ZNF443: variants seen among roughly 807,000 people sequenced by gnomAD.
The protein encoded by ZNF443 is zinc finger protein 443, also known as Kruppel-type zinc finger (C2H2).
ZNF443 carries 3 observed loss-of-function variants against 12.0 expected under a neutral mutation model. The observed-to-expected ratio is 0.25, with a 90% CI of 0.11 to 0.64. The LOEUF (loss-of-function observed/expected upper bound fraction) is 0.64, where lower values mean the gene tolerates loss of function less well. Among genes scored for constraint, ZNF443 ranks in the 30% least tolerant of loss-of-function variants. ZNF443 has a pLI of 0.84. For missense variants in ZNF443, 770 were observed against 808.8 expected (o/e 0.95, Z 0.58); for synonymous variants, 225 against 265.9 (o/e 0.85, Z 1.50).
rs1970236463 is a variant in ZNF443 at position 12,430,439 on chromosome 19, T to C, written c.1733A>G (p.His578Arg). Residue 578 changes from histidine to arginine, a missense_variant, in exon 4 of 4, where the codon CAT becomes CGT. Around this residue, in one of 3 missense-constraint regions of ZNF443, gnomAD observed 736 missense variants for 689.4 expected, o/e 1.07. Coordinates refer to ENST00000301547, the MANE Select transcript of ZNF443 (RefSeq NM_005815.5). ...TTTCTCTCTCATGTGAATTCTTTCA[T>C]GTCGTAGAAAGCAAGTGAGCCAAGA... ...AFSWLTCFLR[H>R]ERIHMREKSY... 1 of 1,606,458 alleles carries C rather than the reference T, an allele frequency of 6.2e-7. No homozygotes were observed. The highest frequency in any genetic ancestry group is 1.7e-4 in the Middle Eastern group (1 of 6,020).
At position 12,431,230 on chromosome 19, in the gene ZNF443, A is replaced by G; in HGVS notation, c.942T>C (p.Cys314=). The G allele has an allele frequency of 6.2e-7, 1 of 1,614,030 alleles. No homozygotes were observed. The highest frequency in any genetic ancestry group is 1.3e-5 in the African/African-American group (1 of 75,022). The change falls in exon 4 of 4, where the codon TGT becomes TGC. Residue 314 remains cysteine (C), a synonymous_variant. Coordinates refer to ENST00000301547, the MANE Select transcript of ZNF443 (RefSeq NM_005815.5). ...TGEKPYTCKQ[C]GKAFSVSGSL... The stretch of plus-strand genomic sequence containing the variant: ...AACCGGAAACACTGAAGGCTTTCCC[A>G]CATTGTTTACATGTATAGGGTTTCT...
In ZNF443 at chr19:12,429,936, T is replaced by C; in HGVS notation, c.*220A>G. On this transcript the variant is annotated 3_prime_UTR_variant, in exon 4 of 4. Transcript: ENST00000301547. The stretch of plus-strand genomic sequence containing the variant: ...GATGTGGGTAAGTTACATACAAACA[T>C]GTCATTTTATAAAAGGGACTGGACA... 2 of 718,624 alleles carry C rather than the reference T, an allele frequency of 2.8e-6. No homozygotes were observed. The highest frequency in any genetic ancestry group is 2.7e-5 in the East Asian group (1 of 36,618). The allele number at this position is 718,624 out of a possible 1,614,324, so 44.5% of individuals were successfully genotyped here. A position where few individuals can be genotyped will look rare whatever the true frequency, so the allele number is the denominator to read the frequency against.
chr19:12,440,952 C>G lies in ZNF443; in HGVS notation c.-38G>C. 6.2e-7 allele frequency: 1 copy of G among 1,613,912 alleles called. No individual in the cohort carries two copies. The highest frequency in any genetic ancestry group is 8.5e-7 in the Non-Finnish European group (1 of 1,179,898). On this transcript the variant is annotated 5_prime_UTR_variant, in exon 1 of 4. Transcript: ENST00000301547. ...GCGGTGTCCCAGGTCCTACCGACAG[C>G]TCCCGCTGCCAATGCGTGTTCCAGC...
intron 1 of ZNF443, among the ~76,000 whole-genome samples, chr19:12,435,258 G>C (rs1238000079): frequency 6.6e-6 from 1 of 152,128 alleles, no homozygotes; most frequent in Admixed American, 6.5e-5. Flanking sequence ...TTACAGGTGT[G>C]AGCCACAGTG....
chr19:12,435,270 C>T (rs926225781), intron 1 of ZNF443, among the ~76,000 whole-genome samples: 4 of 152,110 alleles, frequency 2.6e-5, no homozygotes, highest in Non-Finnish European at 5.9e-5. Context: ...GCCACAGTGC[C>T]CAGCCAAGGC....
intron 1 of ZNF443, among the ~76,000 whole-genome samples, chr19:12,440,238 C>T (rs1970351174): frequency 1.4e-5 from 1 of 69,512 alleles, no homozygotes; most frequent in Admixed American, 1.5e-4. Flanking sequence ...CCCTCAGCCC[C>T]GCTGCCTCAA....
chr19:12,438,771 A>C, intron 1 of ZNF443, among the ~76,000 whole-genome samples: 1 of 147,818 alleles, frequency 6.8e-6, no homozygotes, highest in East Asian at 1.9e-4. Flanking sequence ...ATAGAAGATT[A>C]CATATACCAT....
chr19:12,431,447 C>T lies in ZNF443; in HGVS notation c.725G>A (p.Arg242Lys). 1 of 1,613,754 alleles carries T rather than the reference C, an allele frequency of 6.2e-7. No homozygotes were observed. The highest frequency in any genetic ancestry group is 8.5e-7 in the Non-Finnish European group (1 of 1,179,896). The change falls in exon 4 of 4, where the codon AGA becomes AAA. Residue 242 changes from arginine to lysine, a missense_variant. Arg to Lys is a conservative substitution (Grantham distance 26, BLOSUM62 2). Transcript: ENST00000301547. ...KAFSFYSSYL[R>K]HERTHTGEKP... ...CTCCCCAGTATGTGTTCTTTCATGT[C>T]TTAGATAGGAACTGTAAAAAGAAAA...
chr19:12,435,584 G>A lies in ZNF443; in HGVS notation c.4-2387C>T, dbSNP rs534998472. On this transcript the variant is annotated intron_variant, in intron 1 of 3. Transcript: ENST00000301547. ...AAAACATTCATTTTCGCTTCTGGCT[G>A]ATCTGTAGCTTTAAGTAAGCAGAAC... Among the ~76,000 whole-genome samples the A allele has an allele frequency of 2.4e-4, 37 of 152,248 alleles. 1 individual carries two copies. In the South Asian group the frequency reaches 7.5e-3, roughly 31 times the overall value.
In ZNF443 at chr19:12,430,997, G is replaced by A. The variant is rs200987547; in HGVS notation, c.1175C>T (p.Pro392Leu). 26 of 1,613,740 alleles carry A rather than the reference G, an allele frequency of 1.6e-5. No individual in the cohort carries two copies. Among genetic ancestry groups the A allele is most frequent in the Admixed American group, 1.2e-4 (7 of 59,980 alleles). Residue 392 changes from proline to leucine, a missense_variant, in exon 4 of 4, where the codon CCC becomes CTC. This residue lies in a region of ZNF443 where 736 missense variants were observed against 689.4 expected (regional missense o/e 1.07). Coordinates refer to ENST00000301547, the MANE Select transcript of ZNF443 (RefSeq NM_005815.5). ...SHERTHTGEK[P>L]YECKQCGKAL... is the part of the protein sequence containing the mutation. ...TTTCCCACACTGCTTGCATTCATAGGGTTTCTCTCCAGTGTGAGTTCTTTC... is the reference window on the plus strand; with the variant it reads ...TTTCCCACACTGCTTGCATTCATAGAGTTTCTCTCCAGTGTGAGTTCTTTC...
chr19:12,435,295 T>C (rs1970297623), intron 1 of ZNF443, among the ~76,000 whole-genome samples: 1 of 152,110 alleles, frequency 6.6e-6, no homozygotes, highest in Non-Finnish European at 1.5e-5. Flanking sequence ...TCTTCTACTT[T>C]ATCTACAATA....
chr19:12,434,721 A>C (rs1970291890), intron 1 of ZNF443, among the ~76,000 whole-genome samples: 1 of 151,968 alleles, frequency 6.6e-6, no homozygotes, highest in Non-Finnish European at 1.5e-5. Flanking sequence ...ATATACATAT[A>C]TATATATGAA....
At position 12,431,174 on chromosome 19, in the gene ZNF443, GC is replaced by G; in HGVS notation, c.997del (p.Ala333GlnfsTer24). The stretch of plus-strand genomic sequence containing the variant: ...TTGCTGACATGCATAGGGTTTCTCT[GC>G]ACTGTGAGTGGTTTCATGTCTTTGA... ...SLQRHETTHS[A>X]EKPYACQQCG... is the part of the protein sequence containing the mutation. On this transcript the variant is annotated frameshift_variant, in exon 4 of 4. Transcript: ENST00000301547. LOFTEE classifies it low-confidence loss of function (END_TRUNC). The G allele has an allele frequency of 6.2e-7, 1 of 1,613,706 alleles. No homozygotes were observed. Among genetic ancestry groups the G allele is most frequent in the Non-Finnish European group, 8.5e-7 (1 of 1,179,882 alleles).
At chr19:12,437,832 C>T (rs1377948411) in intron 1 of ZNF443, among the ~76,000 whole-genome samples, 2 of 152,030 alleles carry the variant, frequency 1.3e-5, no homozygotes, top group African/African-American at 4.8e-5. Context: ...ATGCTCATGC[C>T]TGTAATCCCA....
chr19:12,432,317 T>A (rs1970264838), intron 3 of ZNF443, 60 bp downstream of exon 3: 1 of 1,417,744 alleles, frequency 7.1e-7, no homozygotes, highest in Non-Finnish European at 9.7e-7. Context: ...CTTTTTAAAT[T>A]TTCATGTCAT....
In ZNF443 at chr19:12,432,137, C is replaced by T. The variant is rs1252881741; in HGVS notation, c.192-157G>A. ...GGATGGAATGCTGTGCAAGGTAACT[C>T]GACCCAGGTGTTCTCAAGACAATCA... is the stretch of plus-strand genomic sequence containing the variant. On this transcript the variant is annotated intron_variant, in intron 3 of 3. Transcript: ENST00000301547. 24 of 765,448 alleles carry T rather than the reference C, an allele frequency of 3.1e-5. 1 individual carries two copies. Among genetic ancestry groups the T allele is most frequent in the South Asian group, 1.2e-4 (5 of 42,058 alleles). 47.4% of individuals were successfully genotyped at this position (765,448 alleles called of 1,614,324 possible).
Position 12,430,370 on chromosome 19 carries a change from C to T in ZNF443, c.1802G>A (p.Arg601His), listed in dbSNP as rs369240151. 2.4e-5 allele frequency: 37 copies of T among 1,572,452 alleles called. No homozygotes were observed. In the African/African-American group the frequency reaches 3.8e-4, roughly 16 times the overall value. ...PQCGKAFTHSRFLQGHEKTHT... is the reference protein window; with the variant it reads ...PQCGKAFTHSHFLQGHEKTHT... ...AGTTTTTTCATGTCCTTGAAGAAAA[C>T]GGGAATGAGTGAAGGCTTTACCACA... Residue 601 changes from arginine to histidine, a missense_variant, in exon 4 of 4, where the codon CGT becomes CAT. Physicochemically the swap from Arg to His is conservative, Grantham distance 29 (BLOSUM62 0). Around this residue, in one of 3 missense-constraint regions of ZNF443, gnomAD observed 736 missense variants for 689.4 expected, o/e 1.07. Transcript: ENST00000301547.
At position 12,431,603 on chromosome 19, in the gene ZNF443, A is replaced by C. The variant is rs1970255495; in HGVS notation, c.569T>G (p.Val190Gly). The C allele has an allele frequency of 1.2e-6, 2 of 1,614,152 alleles. No homozygotes were observed. The highest frequency in any genetic ancestry group is 1.7e-6 in the Non-Finnish European group (2 of 1,180,000). Reference sequence around the variant, plus strand: ...TTTATAAGGTCCATCTCCACGCTGCACTGCCATGTGTCTTTGAAGGTTTCC... The same window carrying C: ...TTTATAAGGTCCATCTCCACGCTGCCCTGCCATGTGTCTTTGAAGGTTTCC... ...SLGNLQRHMA[V>G]QRGDGPYKCK... The change falls in exon 4 of 4, where the codon GTG (valine) becomes GGG (glycine). Residue 190 changes from valine (V) to glycine (G), a missense_variant. Around this residue, in one of 3 missense-constraint regions of ZNF443, gnomAD observed 736 missense variants for 689.4 expected, o/e 1.07. Coordinates refer to ENST00000301547, the MANE Select transcript of ZNF443 (RefSeq NM_005815.5).
At chr19:12,433,929 T>C (rs555185426) in intron 1 of ZNF443, among the ~76,000 whole-genome samples, 4 of 152,018 alleles carry the variant, frequency 2.6e-5, no homozygotes, top group African/African-American at 9.6e-5. Flanking sequence ...TAATCCATAA[T>C]GGGTGAATGA....
Sources: allele counts gnomAD v4.1 joint callset (sites outside exome capture counted in the v4.1 genomes callset), GRCh38; gene constraint gnomAD v4.1.1; regional missense constraint gnomAD v4.1.1; transcripts MANE v1.5; gene names NCBI Gene and HGNC (gene_info 2026-07-23, HGNC 2026-07-21).